NAV3: variants seen among roughly 807,000 people sequenced by gnomAD.
NAV3 encodes the protein neuron navigator 3.
A neutral mutation model predicts 244.7 loss-of-function variants in NAV3; 87 were observed. The ratio of observed to expected loss-of-function variants is 0.36; its 90% CI spans 0.30 to 0.42. The LOEUF (loss-of-function observed/expected upper bound fraction) is 0.42, where lower values mean the gene tolerates loss of function less well. Ranked by LOEUF, NAV3 falls within the 20% of genes least tolerant of loss-of-function variation. The pLI, the probability that NAV3 is intolerant of heterozygous loss-of-function variation, is 1.00. For missense variants in NAV3, 2,663 were observed against 2,893.3 expected, an observed-to-expected ratio of 0.92 and a Z score of 1.83; for synonymous variants, 1,126 against 1,042.2, an observed-to-expected ratio of 1.08 and a Z score of -1.55.
intron 5 of NAV3, among the ~76,000 whole-genome samples, chr12:77,991,527 G>A (rs975033405): frequency 2.0e-5 from 3 of 152,148 alleles, no homozygotes; most frequent in East Asian, 1.9e-4. Flanking sequence ...TGTCTAGAAG[G>A]TGATAAAATG....
At chr12:77,882,184 T>C (rs1017686624) in intron 1 of NAV3, among the ~76,000 whole-genome samples, 2 of 152,054 alleles carry the variant, frequency 1.3e-5, no homozygotes, top group African/African-American at 4.8e-5. Context: ...CTACACTCTA[T>C]GGATACAGTA....
chr12:77,699,443 T>A (rs1305541137), intron 2 of NAV3, among the ~76,000 whole-genome samples: 5 of 152,144 alleles, frequency 3.3e-5, no homozygotes. Context: ...TTTTATTACG[T>A]CCTTGGATTC....
intron 33 of NAV3, 45 bp downstream of exon 33, chr12:78,188,822 A>C (rs760596316): frequency 1.9e-6 from 3 of 1,586,918 alleles, no homozygotes; most frequent in Non-Finnish European, 2.6e-6. Flanking sequence ...AATTTTTAGC[A>C]ACATTTTATT....
chr12:77,863,061 T>C (rs1879483604), intron 1 of NAV3, among the ~76,000 whole-genome samples: 1 of 151,934 alleles, frequency 6.6e-6, no homozygotes. Flanking sequence ...ACTGTATGCA[T>C]ATATTTAAGG....
intron 4 of NAV3, 136 bp downstream of exon 4, chr12:77,966,437 C>A: frequency 2.9e-6 from 2 of 681,244 alleles, no homozygotes; most frequent in South Asian, 2.0e-5. Flanking sequence ...TTCAAGACAA[C>A]CGAAACATAA....
intron 24 of NAV3, among the ~76,000 whole-genome samples, chr12:78,171,693 T>C (rs1235261769): frequency 1.3e-5 from 2 of 151,612 alleles, no homozygotes; most frequent in Non-Finnish European, 3.0e-5. Flanking sequence ...GGACTAATTA[T>C]GTGTCTTTCC....
At chr12:78,197,473 A>T in intron 35 of NAV3, 72 bp downstream of exon 35, 2 of 1,107,310 alleles carry the variant, frequency 1.8e-6, no homozygotes, top group South Asian at 2.0e-5. Flanking sequence ...TTGTACCTGT[A>T]TGCATTTTTA....
intron 39 of NAV3, among the ~76,000 whole-genome samples, chr12:78,208,931 G>C (rs574181811): frequency 6.6e-6 from 1 of 152,242 alleles, no homozygotes; most frequent in South Asian, 2.1e-4. Flanking sequence ...GAAGGAATAT[G>C]AATGGACATG....
intron 2 of NAV3, among the ~76,000 whole-genome samples, chr12:77,654,304 C>T (rs1482466346): frequency 6.6e-6 from 1 of 152,268 alleles, no homozygotes; most frequent in South Asian, 2.1e-4. Flanking sequence ...GAGATTATAT[C>T]CTGCACCTGG....
chr12:77,641,249 G>A (rs1348410860), intron 2 of NAV3, among the ~76,000 whole-genome samples: 1 of 151,922 alleles, frequency 6.6e-6, no homozygotes, highest in Non-Finnish European at 1.5e-5. Context: ...GCTCATTCTT[G>A]GATGGTCTTG....
At chr12:77,572,963 T>C (rs1438177603) in intron 2 of NAV3, among the ~76,000 whole-genome samples, 1 of 152,148 alleles carries the variant, frequency 6.6e-6, no homozygotes, top group Non-Finnish European at 1.5e-5. Context: ...GAGAACCACC[T>C]AAAGAACACT....
At chr12:78,175,053 G>A (rs1220657802) in intron 24 of NAV3, among the ~76,000 whole-genome samples, 2 of 151,950 alleles carry the variant, frequency 1.3e-5, no homozygotes, top group Non-Finnish European at 2.9e-5. Context: ...AGACAAAACT[G>A]AGAACTCATT....
At position 78,181,035 on chromosome 12, in the gene NAV3, T is replaced by C; in HGVS notation, c.5682T>C (p.Ala1894=). The C allele has an allele frequency of 6.2e-7, 1 of 1,612,902 alleles. No homozygotes were observed. The highest frequency in any genetic ancestry group is 1.1e-5 in the South Asian group (1 of 91,020). The part of the protein sequence containing the change: ...LSLNNLNITE[A]VSSDILLDDA... ...TAAACAATTTGAACATCACAGAGGC[T>C]GTTAGCTCAGGTGATTTAGTGCACA... Residue 1894 remains alanine, a synonymous_variant, in exon 30 of 40, where the codon GCT becomes GCC. Coordinates refer to ENST00000397909, the MANE Select transcript of NAV3 (RefSeq NM_001024383.2).
intron 1 of NAV3, among the ~76,000 whole-genome samples, chr12:77,853,235 AATTG>A (rs1189441141): frequency 2.0e-5 from 3 of 152,140 alleles, no homozygotes; most frequent in Admixed American, 1.3e-4. Flanking sequence ...TGACTGATGG[AATTG>A]ATTATCTTTT....
At chr12:77,726,262 G>A (rs910368503) in intron 2 of NAV3, among the ~76,000 whole-genome samples, 2 of 151,856 alleles carry the variant, frequency 1.3e-5, no homozygotes, top group Non-Finnish European at 2.9e-5. Context: ...TCGTGTTAGT[G>A]CTTTTCAGTG....
At chr12:78,095,613 A>G (rs1174810506) in intron 12 of NAV3, among the ~76,000 whole-genome samples, 1 of 152,162 alleles carries the variant, frequency 6.6e-6, no homozygotes. Context: ...CAGTTAGGAG[A>G]GTACAGCAAT....
At chr12:78,117,135 C>A (rs1955423283) in intron 13 of NAV3, among the ~76,000 whole-genome samples, 1 of 109,282 alleles carries the variant, frequency 9.2e-6, no homozygotes, top group African/African-American at 3.6e-5. Flanking sequence ...GCACTGCAGC[C>A]AATTTTGAAT....
intron 23 of NAV3, among the ~76,000 whole-genome samples, chr12:78,167,752 C>T (rs954523798): frequency 6.6e-6 from 1 of 151,448 alleles, no homozygotes; most frequent in Non-Finnish European, 1.5e-5. Flanking sequence ...GGAATTCTCC[C>T]TCTAAGAGGC....
intron 2 of NAV3, among the ~76,000 whole-genome samples, chr12:77,671,745 A>G (rs1299423477): frequency 6.6e-6 from 1 of 152,164 alleles, no homozygotes. Context: ...CTCTCAGCTT[A>G]TACAAAAATT....
Sources: allele counts gnomAD v4.1 joint callset (sites outside exome capture counted in the v4.1 genomes callset), GRCh38; gene constraint gnomAD v4.1.1; transcripts MANE v1.5; gene names NCBI Gene and HGNC (gene_info 2026-07-23, HGNC 2026-07-21).